Variants in KCND2 observed in about 807,000 individuals in gnomAD.
The protein encoded by KCND2 is potassium voltage-gated channel subfamily D member 2.
A neutral mutation model predicts 54.4 loss-of-function variants in KCND2; 16 were observed. The ratio of observed to expected loss-of-function variants is 0.29; its 90% CI spans 0.20 to 0.45. The LOEUF (loss-of-function observed/expected upper bound fraction) is 0.45, where lower values mean the gene tolerates loss of function less well. Ranked by LOEUF, KCND2 falls within the 20% of genes least tolerant of loss-of-function variation. The pLI, the probability that KCND2 is intolerant of heterozygous loss-of-function variation, is 1.00. For missense variants in KCND2, 486 were observed against 824.2 expected, an observed-to-expected ratio of 0.59 and a Z score of 5.02; for synonymous variants, 317 against 310.7, an observed-to-expected ratio of 1.02 and a Z score of -0.21.
intron 1 of KCND2, among the ~76,000 whole-genome samples, chr7:120,617,333 A>G (rs932897682): frequency 4.6e-5 from 7 of 152,168 alleles, no homozygotes; most frequent in African/African-American, 1.7e-4. Flanking sequence ...AATCTACTCC[A>G]TGAACAGACA....
At chr7:120,382,968 C>T (rs1012755580) in intron 1 of KCND2, among the ~76,000 whole-genome samples, 3 of 151,866 alleles carry the variant, frequency 2.0e-5, no homozygotes, top group Non-Finnish European at 4.4e-5. Context: ...CAAGATCAAA[C>T]GTTCTCATAA....
At chr7:120,499,605 A>G (rs967230948) in intron 1 of KCND2, among the ~76,000 whole-genome samples, 1 of 152,162 alleles carries the variant, frequency 6.6e-6, no homozygotes, top group Non-Finnish European at 1.5e-5. Context: ...CTTTATCTAG[A>G]ATACTTTTCT....
intron 1 of KCND2, among the ~76,000 whole-genome samples, chr7:120,488,215 A>T (rs1255560030): frequency 6.6e-6 from 1 of 152,156 alleles, no homozygotes; most frequent in East Asian, 1.9e-4. Context: ...GTTATTCATT[A>T]TGAAAAAACC....
At chr7:120,403,079 T>G (rs546478382) in intron 1 of KCND2, among the ~76,000 whole-genome samples, 2 of 152,330 alleles carry the variant, frequency 1.3e-5, no homozygotes, top group East Asian at 3.9e-4. Context: ...ATTGTCCATA[T>G]GTAAAGATGA....
At chr7:120,678,343 T>TATATATA (rs1792092309) in intron 1 of KCND2, among the ~76,000 whole-genome samples, 2 of 120,274 alleles carry the variant, frequency 1.7e-5, no homozygotes, top group African/African-American at 6.3e-5. Flanking sequence ...GTATGATTAT[T>TATATATA]TATATATATA....
chr7:120,526,392 A>G (rs565797508), intron 1 of KCND2, among the ~76,000 whole-genome samples: 2 of 152,260 alleles, frequency 1.3e-5, no homozygotes, highest in East Asian at 3.9e-4. Flanking sequence ...TACAGAAGAA[A>G]AATTACACAT....
chr7:120,430,999 A>T (rs141523074), intron 1 of KCND2, among the ~76,000 whole-genome samples: 1 of 152,212 alleles, frequency 6.6e-6, no homozygotes, highest in Non-Finnish European at 1.5e-5. Flanking sequence ...ACATAACCTT[A>T]AGCTCTTTGG....
At chr7:120,404,611 T>C (rs1044271561) in intron 1 of KCND2, among the ~76,000 whole-genome samples, 6 of 152,174 alleles carry the variant, frequency 3.9e-5, no homozygotes, top group African/African-American at 1.4e-4. Context: ...GAAGGCAAAC[T>C]TCTATCAGGG....
At chr7:120,419,504 C>T (rs1801577901) in intron 1 of KCND2, among the ~76,000 whole-genome samples, 1 of 152,044 alleles carries the variant, frequency 6.6e-6, no homozygotes, top group Non-Finnish European at 1.5e-5. Context: ...TCCATTTGAC[C>T]AAGCAGCAGG....
chr7:120,613,345 C>T (rs999303854), intron 1 of KCND2, among the ~76,000 whole-genome samples: 1 of 152,124 alleles, frequency 6.6e-6, no homozygotes, highest in African/African-American at 2.4e-5. Flanking sequence ...GCCTGGCCAA[C>T]ATGGCAAAAC....
chr7:120,453,166 G>A (rs145190125), intron 1 of KCND2, among the ~76,000 whole-genome samples: 235 of 152,296 alleles, frequency 1.5e-3, no homozygotes, highest in African/African-American at 5.4e-3. Context: ...CAACTGCTTT[G>A]CTGGTGCATG....
chr7:120,435,091 T>TTTTA (rs58887227), intron 1 of KCND2, among the ~76,000 whole-genome samples: 12,757 of 149,280 alleles, frequency 0.085, 1,398 homozygotes, highest in East Asian at 0.53. Context: ...AAACAATAAA[T>TTTTA]TTTATTTATT....
At chr7:120,657,931 G>A (rs1791822637) in intron 1 of KCND2, among the ~76,000 whole-genome samples, 1 of 151,980 alleles carries the variant, frequency 6.6e-6, no homozygotes, top group Admixed American at 6.5e-5. Flanking sequence ...TTTCAATAGT[G>A]AATAGATTTA....
At chr7:120,744,445 G>C (rs1208280597) in intron 4 of KCND2, among the ~76,000 whole-genome samples, 1 of 151,954 alleles carries the variant, frequency 6.6e-6, no homozygotes, top group Non-Finnish European at 1.5e-5. Context: ...TCACTGATGA[G>C]ACAAATTAGA....
intron 1 of KCND2, among the ~76,000 whole-genome samples, chr7:120,293,859 T>G (rs1174711266): frequency 6.6e-6 from 1 of 151,948 alleles, no homozygotes; most frequent in Admixed American, 6.6e-5. Flanking sequence ...CAACAATTAT[T>G]TATATTTGTC....
intron 1 of KCND2, among the ~76,000 whole-genome samples, chr7:120,461,758 AC>A (rs1280305900): frequency 3.3e-5 from 5 of 152,120 alleles, no homozygotes; most frequent in African/African-American, 1.2e-4. Context: ...TTAAAAAAAA[AC>A]AGATTTCTGT....
At chr7:120,327,284 A>G (rs1799991844) in intron 1 of KCND2, among the ~76,000 whole-genome samples, 1 of 152,060 alleles carries the variant, frequency 6.6e-6, no homozygotes, top group Non-Finnish European at 1.5e-5. Flanking sequence ...TGTACATTAA[A>G]CCTTTCAGAT....
intron 1 of KCND2, among the ~76,000 whole-genome samples, chr7:120,404,598 G>A (rs556995664): frequency 1.3e-5 from 2 of 152,258 alleles, no homozygotes; most frequent in Admixed American, 6.5e-5. Context: ...CCTGATACCC[G>A]TGGAAGGCAA....
chr7:120,661,792 C>G (rs1420183083), intron 1 of KCND2, among the ~76,000 whole-genome samples: 1 of 152,160 alleles, frequency 6.6e-6, no homozygotes, highest in Non-Finnish European at 1.5e-5. Context: ...AGTGGCCTTT[C>G]AGTTTTTCCC....
Sources: gnomAD v4.1 joint callset for allele counts (sites outside exome capture counted in the v4.1 genomes callset) on GRCh38, gnomAD v4.1.1 for gene constraint, MANE v1.5 for transcripts, NCBI Gene and HGNC (gene_info 2026-07-23, HGNC 2026-07-21) for gene names.